KSR2: variants seen among roughly 807,000 people sequenced by gnomAD.
The protein encoded by KSR2 is kinase suppressor of ras 2.
A neutral mutation model predicts 107.8 loss-of-function variants in KSR2; 25 were observed. That is an observed-to-expected ratio of 0.23 (90% CI 0.17 to 0.32). KSR2 has a LOEUF of 0.32. KSR2 is among the 10% of genes least tolerant of loss of function. KSR2 has a pLI of 1.00. For synonymous variants in KSR2, 480 were observed against 507.0 expected (o/e 0.95, Z 0.71); for missense variants, 887 against 1,268.9 (o/e 0.70, Z 4.57).
At chr12:117,779,581 G>A (rs1889810653) in intron 3 of KSR2, among the ~76,000 whole-genome samples, 2 of 152,172 alleles carry the variant, frequency 1.3e-5, no homozygotes, top group Non-Finnish European at 2.9e-5. Flanking sequence ...ACGTGTCAAG[G>A]GAGGGACCTG....
intron 3 of KSR2, 27 bp from the exon 4 acceptor site, chr12:117,761,551 A>G: frequency 6.2e-7 from 1 of 1,611,974 alleles, no homozygotes; most frequent in Non-Finnish European, 8.5e-7. Flanking sequence ...GAGCAGAGAC[A>G]ATGGGTAAGC....
chr12:117,561,496 T>A (rs912319036), intron 7 of KSR2, among the ~76,000 whole-genome samples: 2 of 152,204 alleles, frequency 1.3e-5, no homozygotes, highest in Non-Finnish European at 2.9e-5. Flanking sequence ...CAAATTTGGA[T>A]AACTTACCTA....
At position 117,469,895 on chromosome 12, in the gene KSR2, C is replaced by A; in HGVS notation, c.2713-100G>T. The A allele has an allele frequency of 4.3e-6, 5 of 1,153,736 alleles. No homozygotes were observed. In the South Asian group the frequency reaches 6.9e-5, roughly 16 times the overall value. 71.5% of individuals were successfully genotyped at this position (1,153,736 alleles called of 1,614,324 possible). On this transcript the variant is annotated intron_variant, in intron 18 of 19. Transcript: ENST00000339824. ...TGCCAATTTGTCCACTCATCTGCCC[C>A]ATTTCCATATTCCTCCATCATCCAT...
chr12:117,881,214 G>A (rs1227090457), intron 1 of KSR2, among the ~76,000 whole-genome samples: 2 of 152,180 alleles, frequency 1.3e-5, no homozygotes, highest in African/African-American at 4.8e-5. Context: ...GGCCTTTTCC[G>A]TAAGCAACAA....
At chr12:117,646,305 A>G (rs1011285682) in intron 5 of KSR2, among the ~76,000 whole-genome samples, 1 of 152,202 alleles carries the variant, frequency 6.6e-6, no homozygotes, top group African/African-American at 2.4e-5. Context: ...GGCCCTCTGC[A>G]GAAGCAGCAG....
chr12:117,666,955 AG>A (rs2136482715), intron 5 of KSR2, among the ~76,000 whole-genome samples: 1 of 152,366 alleles, frequency 6.6e-6, no homozygotes, highest in Non-Finnish European at 1.5e-5. Context: ...AAGAGCAGAA[AG>A]TAAACCACCT....
intron 14 of KSR2, among the ~76,000 whole-genome samples, chr12:117,492,597 T>C (rs956111934): frequency 6.6e-6 from 1 of 152,188 alleles, no homozygotes; most frequent in Non-Finnish European, 1.5e-5. Context: ...TCCAAAGATG[T>C]CCACATCCTA....
intron 3 of KSR2, among the ~76,000 whole-genome samples, chr12:117,788,889 T>G (rs886447974): frequency 6.6e-6 from 1 of 152,198 alleles, no homozygotes; most frequent in Admixed American, 6.5e-5. Flanking sequence ...TGATTCTCTC[T>G]CCATTAAAAA....
At chr12:117,549,169 T>G (rs1374750577) in intron 9 of KSR2, among the ~76,000 whole-genome samples, 1 of 152,222 alleles carries the variant, frequency 6.6e-6, no homozygotes, top group Non-Finnish European at 1.5e-5. Context: ...TGCATTTCCA[T>G]AACAATGGAC....
intron 3 of KSR2, among the ~76,000 whole-genome samples, chr12:117,854,307 G>A (rs1041384825): frequency 2.6e-5 from 4 of 152,144 alleles, no homozygotes; most frequent in Non-Finnish European, 4.4e-5. Flanking sequence ...GTGCCCGGCC[G>A]CATGGTCCCT....
chr12:117,917,013 G>T (rs1895197841), intron 1 of KSR2, among the ~76,000 whole-genome samples: 2 of 152,150 alleles, frequency 1.3e-5, no homozygotes, highest in African/African-American at 4.8e-5. Context: ...ATAATCCTTT[G>T]CTGTGATGGG....
At chr12:117,896,458 AT>A (rs1159176481) in intron 1 of KSR2, among the ~76,000 whole-genome samples, 7,910 of 135,530 alleles carry the variant, frequency 0.058, 249 homozygotes, top group African/African-American at 0.086. Flanking sequence ...TTCGCACAAC[AT>A]TTTTTTTTTT....
At chr12:117,642,595 T>TTTTTG (rs1444482043) in intron 5 of KSR2, among the ~76,000 whole-genome samples, 2 of 152,208 alleles carry the variant, frequency 1.3e-5, no homozygotes, top group Non-Finnish European at 2.9e-5. Flanking sequence ...AGGAGAAGAC[T>TTTTTG]CAGACTCCAC....
At chr12:117,915,608 C>A (rs1895149084) in intron 1 of KSR2, among the ~76,000 whole-genome samples, 1 of 152,228 alleles carries the variant, frequency 6.6e-6, no homozygotes, top group African/African-American at 2.4e-5. Flanking sequence ...TGATCACAGA[C>A]AAAAATCCCA....
intron 14 of KSR2, among the ~76,000 whole-genome samples, chr12:117,502,226 C>A (rs139945017): frequency 1.3e-5 from 2 of 152,198 alleles, no homozygotes; most frequent in Non-Finnish European, 2.9e-5. Flanking sequence ...TGACTGTAGG[C>A]GCATGTGTGT....
chr12:117,965,145 A>G (rs1327268028), intron 1 of KSR2, among the ~76,000 whole-genome samples: 1 of 152,032 alleles, frequency 6.6e-6, no homozygotes, highest in Non-Finnish European at 1.5e-5. Context: ...GTCCTGGGGA[A>G]CCCTTTATTC....
chr12:117,875,414 G>GGCT (rs1255089338), intron 1 of KSR2, among the ~76,000 whole-genome samples: 1 of 151,176 alleles, frequency 6.6e-6, no homozygotes, highest in African/African-American at 2.4e-5. Context: ...GGGCCTTCTA[G>GGCT]GGACCAGGCC....
At chr12:117,803,823 C>T (rs1404592842) in intron 3 of KSR2, among the ~76,000 whole-genome samples, 1 of 152,166 alleles carries the variant, frequency 6.6e-6, no homozygotes, top group African/African-American at 2.4e-5. Context: ...CTGGGCCCAT[C>T]ATTGTCCCCA....
At chr12:117,813,385 A>C (rs1362993611) in intron 3 of KSR2, among the ~76,000 whole-genome samples, 1 of 152,214 alleles carries the variant, frequency 6.6e-6, no homozygotes, top group Non-Finnish European at 1.5e-5. Context: ...CCAATTATCT[A>C]TCTTACACGG....
Sources: gnomAD v4.1 joint callset for allele counts (sites outside exome capture counted in the v4.1 genomes callset) on GRCh38, gnomAD v4.1.1 for gene constraint, MANE v1.5 for transcripts, NCBI Gene and HGNC (gene_info 2026-07-23, HGNC 2026-07-21) for gene names.